Variants in LIPI observed in about 807,000 individuals in gnomAD.
LIPI encodes lipase member I.
LIPI carries 59 observed loss-of-function variants against 50.6 expected under a neutral mutation model. That is an observed-to-expected ratio of 1.16 (90% CI 0.94 to 1.45). The LOEUF (loss-of-function observed/expected upper bound fraction) is 1.45, where lower values mean the gene tolerates loss of function less well. Ranked by LOEUF, LIPI falls within the 40% of genes most tolerant of loss-of-function variation. The pLI, the probability that LIPI is intolerant of heterozygous loss-of-function variation, is 0.00. For synonymous variants in LIPI, 203 were observed against 178.2 expected (o/e 1.14, Z -1.11); for missense variants, 586 against 536.3 (o/e 1.09, Z -0.92).
intron 6 of LIPI, among the ~76,000 whole-genome samples, chr21:14,164,516 C>T (rs372138046): frequency 6.6e-6 from 1 of 152,142 alleles, no homozygotes; most frequent in Non-Finnish European, 1.5e-5. Flanking sequence ...ACCTATTCCT[C>T]GAACCCCTTT....
In LIPI at chr21:14,116,736, G is replaced by A. The variant is rs200276767; in HGVS notation, c.1296-7656C>T. On this transcript the variant is annotated intron_variant, in intron 9 of 9. Coordinates refer to ENST00000681601, the MANE Select transcript of LIPI (RefSeq NM_001302998.2). ...CCCATACATAGACTCCTGGCTGAAC[G>A]TGATTCAGACCCGTCCAAAATGGCT... Among the ~76,000 whole-genome samples, 7 of 152,100 alleles carry A rather than the reference G, an allele frequency of 4.6e-5. No homozygotes were observed. In the East Asian group the frequency reaches 7.7e-4, roughly 17 times the overall value.
chr21:14,178,567 T>C (rs2019168969), intron 4 of LIPI, among the ~76,000 whole-genome samples: 1 of 152,206 alleles, frequency 6.6e-6, no homozygotes. Context: ...GATAAATTTA[T>C]ACTTACTAAT....
At chr21:14,111,606 T>C (rs1026947742) in intron 9 of LIPI, among the ~76,000 whole-genome samples, 1 of 152,092 alleles carries the variant, frequency 6.6e-6, no homozygotes, top group African/African-American at 2.4e-5. Context: ...GTAATCCCAT[T>C]TGTCTATTTT....
At chr21:14,170,977 G>A (rs1330484617) in intron 4 of LIPI, among the ~76,000 whole-genome samples, 1 of 151,656 alleles carries the variant, frequency 6.6e-6, no homozygotes, top group Non-Finnish European at 1.5e-5. Context: ...CATTTTCTCA[G>A]CCCAAAATCT....
chr21:14,152,149 G>A (rs1356190030), intron 8 of LIPI, among the ~76,000 whole-genome samples: 2 of 151,738 alleles, frequency 1.3e-5, no homozygotes, highest in African/African-American at 4.8e-5. Context: ...CACCCAGGCT[G>A]GAGGGCAGCG....
intron 1 of LIPI, among the ~76,000 whole-genome samples, chr21:14,200,563 G>C: frequency 6.6e-6 from 1 of 151,874 alleles, no homozygotes; most frequent in South Asian, 2.1e-4. Flanking sequence ...GTAGTGAAAG[G>C]TCTCTACTAG....
chr21:14,164,778 T>C (rs1035071387), intron 6 of LIPI, among the ~76,000 whole-genome samples: 1 of 152,212 alleles, frequency 6.6e-6, no homozygotes, highest in African/African-American at 2.4e-5. Flanking sequence ...GTATGAACCA[T>C]GTTTCATGTC....
intron 7 of LIPI, among the ~76,000 whole-genome samples, chr21:14,161,876 CAT>C (rs2018508471): frequency 8.4e-6 from 1 of 119,500 alleles, no homozygotes; most frequent in Non-Finnish European, 1.7e-5. Context: ...TATAATATAA[CAT>C]ATATTATATT....
intron 3 of LIPI, among the ~76,000 whole-genome samples, chr21:14,184,952 TC>T (rs969847704): frequency 1.1e-4 from 17 of 152,206 alleles, no homozygotes; most frequent in African/African-American, 4.1e-4. Context: ...TTCACCTCTT[TC>T]CCCCTTTTTT....
intron 1 of LIPI, among the ~76,000 whole-genome samples, chr21:14,192,233 G>A (rs1236357506): frequency 6.6e-6 from 1 of 152,196 alleles, no homozygotes; most frequent in East Asian, 1.9e-4. Flanking sequence ...GGGAGGCCGA[G>A]CTGGGTGGGT....
In LIPI at chr21:14,199,113, T is replaced by TTGA. The variant is rs879442588; in HGVS notation, c.47-9697_47-9695dup. 8.5e-5 allele frequency among the ~76,000 whole-genome samples: 13 copies of TTGA among 152,180 alleles called. No individual in the cohort carries two copies. The Middle Eastern group carries it at 0.01, about 119-fold the overall frequency. Reference sequence around the variant, plus strand: ...AGCTAAGGCAGTGATAAGAGAGAAATTGATAGCACTAAATGACCACATCAA... The same window carrying TTGA: ...AGCTAAGGCAGTGATAAGAGAGAAATTGATGATAGCACTAAATGACCACATCAA... On this transcript the variant is annotated intron_variant, in intron 1 of 9. Transcript: ENST00000681601.
chr21:14,159,764 T>C (rs1053083108), intron 7 of LIPI, among the ~76,000 whole-genome samples: 2 of 151,380 alleles, frequency 1.3e-5, no homozygotes, highest in Non-Finnish European at 3.0e-5. Flanking sequence ...TGTTTTAACC[T>C]AGAAACAATA....
chr21:14,189,004 A>G, intron 2 of LIPI, 30 bp downstream of exon 2: 1 of 1,546,064 alleles, frequency 6.5e-7, no homozygotes, highest in Non-Finnish European at 8.8e-7. Flanking sequence ...ATTGTATAGC[A>G]TGTATAATAC....
At chr21:14,166,256 A>G in intron 5 of LIPI, 106 bp downstream of exon 5, 1 of 762,304 alleles carries the variant, frequency 1.3e-6, no homozygotes, top group South Asian at 1.4e-5. Context: ...ATGGGCAATG[A>G]TGATGAAATC....
chr21:14,170,249 G>A (rs112719527), intron 4 of LIPI, among the ~76,000 whole-genome samples: 2,615 of 152,238 alleles, frequency 0.017, 62 homozygotes, highest in African/African-American at 0.051. Flanking sequence ...AAGAGTCCAG[G>A]ACCAGATGGA....
At chr21:14,122,027 A>G (rs2016881946) in intron 9 of LIPI, among the ~76,000 whole-genome samples, 1 of 152,210 alleles carries the variant, frequency 6.6e-6, no homozygotes, top group Non-Finnish European at 1.5e-5. Context: ...TAGTTATACT[A>G]TTGCTTATAC....
chr21:14,129,498 G>A (rs1199297568), intron 9 of LIPI, among the ~76,000 whole-genome samples: 3 of 151,916 alleles, frequency 2.0e-5, no homozygotes, highest in African/African-American at 7.2e-5. Context: ...AAATTCTTAA[G>A]ATGTGTACCC....
At chr21:14,176,932 A>G (rs2019118562) in intron 4 of LIPI, among the ~76,000 whole-genome samples, 1 of 152,042 alleles carries the variant, frequency 6.6e-6, no homozygotes. Context: ...GTTTGAGAAT[A>G]TTTTTAAGGC....
At chr21:14,133,038 C>A (rs1357132428) in intron 9 of LIPI, among the ~76,000 whole-genome samples, 2 of 151,946 alleles carry the variant, frequency 1.3e-5, no homozygotes, top group Non-Finnish European at 2.9e-5. Flanking sequence ...ACAAAAAATG[C>A]CCAGGACCAG....
Sources: allele counts gnomAD v4.1 joint callset (sites outside exome capture counted in the v4.1 genomes callset), GRCh38; gene constraint gnomAD v4.1.1; transcripts MANE v1.5; gene names NCBI Gene and HGNC (gene_info 2026-07-23, HGNC 2026-07-21).